The following CA10 variants were observed in gnomAD, a reference collection of about 807,000 sequenced individuals.
CA10 encodes carbonic anhydrase-related protein 10.
Under a neutral mutation model 44.2 loss-of-function variants are expected in CA10, and 14 were observed. The ratio of observed to expected loss-of-function variants is 0.32; its 90% CI spans 0.21 to 0.50. The LOEUF (loss-of-function observed/expected upper bound fraction) is 0.50, where lower values mean the gene tolerates loss of function less well. CA10 is among the 20% of genes least tolerant of loss of function. The pLI is 0.99. For missense variants in CA10, 350 were observed against 409.7 expected (o/e 0.85, Z 1.26); for synonymous variants, 159 against 141.6 (o/e 1.12, Z -0.87).
intron 3 of CA10, among the ~76,000 whole-genome samples, chr17:51,883,303 T>C (rs1253700656): frequency 1.3e-5 from 2 of 152,236 alleles, no homozygotes; most frequent in Admixed American, 6.5e-5. Flanking sequence ...GTATACTCAA[T>C]GTTCTGTTAT....
At chr17:52,150,722 A>G (rs1373781309) in intron 1 of CA10, among the ~76,000 whole-genome samples, 1 of 152,182 alleles carries the variant, frequency 6.6e-6, no homozygotes, top group Non-Finnish European at 1.5e-5. Flanking sequence ...TTTTATGTCA[A>G]ATAGTGTATC....
chr17:51,965,151 A>T (rs1456613383), intron 2 of CA10, among the ~76,000 whole-genome samples: 2 of 151,984 alleles, frequency 1.3e-5, no homozygotes, highest in East Asian at 3.9e-4. Flanking sequence ...ACCTAGAGGA[A>T]ATGGATAAAT....
intron 4 of CA10, among the ~76,000 whole-genome samples, chr17:51,719,802 G>T (rs1315046394): frequency 6.6e-6 from 1 of 152,058 alleles, no homozygotes; most frequent in Non-Finnish European, 1.5e-5. Flanking sequence ...GGTGGGGGGT[G>T]TATCACAAGC....
intron 3 of CA10, among the ~76,000 whole-genome samples, chr17:51,794,478 C>A (rs1167163730): frequency 1.3e-5 from 2 of 152,152 alleles, no homozygotes; most frequent in African/African-American, 4.8e-5. Flanking sequence ...ATTTTAATTT[C>A]TCTGTATTGG....
intron 2 of CA10, among the ~76,000 whole-genome samples, chr17:51,985,924 G>T (rs1461672327): frequency 2.0e-5 from 3 of 151,884 alleles, no homozygotes; most frequent in African/African-American, 7.3e-5. Flanking sequence ...TGACCATACT[G>T]CCAAAAGCAA....
chr17:51,736,699 G>A (rs7502787), intron 4 of CA10, among the ~76,000 whole-genome samples: 1 of 152,216 alleles, frequency 6.6e-6, no homozygotes, highest in East Asian at 1.9e-4. Context: ...GTGCTTTGCA[G>A]AGGCAAACAG....
At chr17:52,154,618 CCTCT>C (rs1368461275) in intron 1 of CA10, among the ~76,000 whole-genome samples, 1 of 152,098 alleles carries the variant, frequency 6.6e-6, no homozygotes, top group Non-Finnish European at 1.5e-5. Flanking sequence ...TCTCTCTCTC[CCTCT>C]CTCTTTCTGT....
At chr17:51,924,806 G>A (rs766024895) in intron 3 of CA10, among the ~76,000 whole-genome samples, 2 of 152,220 alleles carry the variant, frequency 1.3e-5, no homozygotes, top group South Asian at 2.1e-4. Context: ...GGTTATAAAC[G>A]GTCCCTCTAT....
At chr17:52,023,105 C>T (rs774555604) in intron 2 of CA10, among the ~76,000 whole-genome samples, 2 of 152,086 alleles carry the variant, frequency 1.3e-5, no homozygotes, top group Non-Finnish European at 2.9e-5. Flanking sequence ...TTGGAAATAT[C>T]AATCCTAAAA....
At chr17:51,711,264 C>T (rs1007732860) in intron 4 of CA10, among the ~76,000 whole-genome samples, 10 of 152,124 alleles carry the variant, frequency 6.6e-5, no homozygotes, top group African/African-American at 2.4e-4. Context: ...CTCATGACTC[C>T]TATCAGCGGG....
chr17:51,956,338 A>G (rs966005494), intron 2 of CA10, among the ~76,000 whole-genome samples: 2 of 152,134 alleles, frequency 1.3e-5, no homozygotes, highest in African/African-American at 4.8e-5. Context: ...TATGTATCCC[A>G]GAAGTTATAT....
chr17:51,810,683 A>G (rs2042103332), intron 3 of CA10, among the ~76,000 whole-genome samples: 1 of 152,216 alleles, frequency 6.6e-6, no homozygotes, highest in Non-Finnish European at 1.5e-5. Context: ...TGACATGATC[A>G]AATCAGCATT....
intron 2 of CA10, among the ~76,000 whole-genome samples, chr17:52,017,350 C>T (rs919715717): frequency 6.6e-6 from 1 of 152,092 alleles, no homozygotes; most frequent in South Asian, 2.1e-4. Context: ...GACCAAAATG[C>T]TGATAGAAAC....
rs867369783 is a variant in CA10 at position 51,931,110 on chromosome 17, C to T, written c.159G>A (p.Val53=). The T allele has an allele frequency of 6.2e-7, 1 of 1,613,456 alleles. No homozygotes were observed. The highest frequency in any genetic ancestry group is 8.5e-7 in the Non-Finnish European group (1 of 1,179,614). Residue 53 remains valine (V), a synonymous_variant, in exon 3 of 9, where the codon GTG becomes GTA. Coordinates refer to ENST00000451037, the MANE Select transcript of CA10 (RefSeq NM_020178.5). ...FVPVPSFWGL[V]NSAWNLCSVG... is the part of the protein sequence containing the mutation. Reference sequence around the variant, plus strand: ...CAGAGCAAAGATTCCAAGCTGAGTTCACCAATCCCCAGAAAGAAGGAACTA... The same window carrying T: ...CAGAGCAAAGATTCCAAGCTGAGTTTACCAATCCCCAGAAAGAAGGAACTA...
At position 52,040,166 on chromosome 17, in the gene CA10, A is replaced by G. The variant is rs375737476; in HGVS notation, c.136+32153T>C. On this transcript the variant is annotated intron_variant, in intron 2 of 8. Transcript: ENST00000451037. ...TTTTCTTTTTTTTTTTTTTGGAGTC[A>G]TTCTCAAGTCACTTTCAAAATCAAT... is the stretch of plus-strand genomic sequence containing the variant. Among the ~76,000 whole-genome samples the G allele has an allele frequency of 2.2e-3, 299 of 137,246 alleles. 1 individual carries two copies. The highest frequency in any genetic ancestry group is 0.012 in the Middle Eastern group (3 of 252). The allele number at this position is 137,246 out of a possible 152,430, so 90.0% of individuals were successfully genotyped here.
intron 6 of CA10, among the ~76,000 whole-genome samples, chr17:51,648,073 G>C (rs925609266): frequency 1.4e-4 from 21 of 152,344 alleles, no homozygotes; most frequent in African/African-American, 4.1e-4. Flanking sequence ...CTGTCATGGG[G>C]CAGGCATGCA....
chr17:52,068,051 CAG>C (rs1987581918), intron 2 of CA10, among the ~76,000 whole-genome samples: 1 of 152,150 alleles, frequency 6.6e-6, no homozygotes, highest in Non-Finnish European at 1.5e-5. Flanking sequence ...TTTGAAATGT[CAG>C]AGACATGAGG....
intron 2 of CA10, among the ~76,000 whole-genome samples, chr17:51,950,857 A>G (rs1749998418): frequency 6.6e-6 from 1 of 152,100 alleles, no homozygotes; most frequent in Admixed American, 6.6e-5. Flanking sequence ...AAAATAGCCG[A>G]GCGCAGAGAT....
At chr17:52,113,137 A>G (rs1303951333) in intron 1 of CA10, among the ~76,000 whole-genome samples, 1 of 152,204 alleles carries the variant, frequency 6.6e-6, no homozygotes, top group East Asian at 1.9e-4. Context: ...TGTAGGATCA[A>G]AGATTGGCTT....
Sources: gnomAD v4.1 joint callset for allele counts (sites outside exome capture counted in the v4.1 genomes callset) on GRCh38, gnomAD v4.1.1 for gene constraint, MANE v1.5 for transcripts, NCBI Gene and HGNC (gene_info 2026-07-23, HGNC 2026-07-21) for gene names.